The following PDZD2 variants were observed in gnomAD, a reference collection of about 807,000 sequenced individuals.
PDZD2 encodes PDZ domain-containing protein 2.
In PDZD2, 90 loss-of-function variants were observed where a neutral mutation model predicts 220.7. The ratio of observed to expected loss-of-function variants is 0.41; its 90% CI spans 0.34 to 0.49. The LOEUF (loss-of-function observed/expected upper bound fraction) is 0.49. Among genes scored for constraint, PDZD2 ranks in the 20% least tolerant of loss-of-function variants. The probability of loss-of-function intolerance (pLI) is 0.28; values close to 1 mark genes in which losing one functional copy is unlikely to be tolerated. For synonymous variants in PDZD2, 1,375 were observed against 1,450.5 expected, an observed-to-expected ratio of 0.95 and a Z score of 1.18; for missense variants, 3,174 against 3,608.5, an observed-to-expected ratio of 0.88 and a Z score of 3.08.
rs893015277 is a variant in PDZD2, at chr5:31,706,207, T to G, written c.-361+66770T>G. ...TGAATGAATGAGGTGGCCAAGATGTTGGCTGTATGGTCCTGTGTACATTGC... is the reference window on the plus strand; with the variant it reads ...TGAATGAATGAGGTGGCCAAGATGTGGGCTGTATGGTCCTGTGTACATTGC... On this transcript the variant is annotated intron_variant, in intron 1 of 24. Transcript: ENST00000438447. Among the ~76,000 whole-genome samples, 11 of 152,206 alleles carry G rather than the reference T, an allele frequency of 7.2e-5. 1 individual carries two copies. The highest frequency in any genetic ancestry group is 1.5e-4 in the Non-Finnish European group (10 of 68,038).
intron 1 of PDZD2, among the ~76,000 whole-genome samples, chr5:31,779,609 G>A (rs545552960): frequency 5.0e-4 from 76 of 152,122 alleles, no homozygotes; most frequent in Middle Eastern, 6.8e-3. Context: ...TCCTGACCTC[G>A]TGATCCGCCT....
intron 2 of PDZD2, among the ~76,000 whole-genome samples, chr5:31,863,509 G>A (rs1737914369): frequency 6.6e-6 from 1 of 152,156 alleles, no homozygotes. Context: ...GATTTGTTAG[G>A]ACTTTCTGCT....
chr5:32,005,145 G>A (rs1304624399), intron 5 of PDZD2, among the ~76,000 whole-genome samples: 2 of 152,186 alleles, frequency 1.3e-5, no homozygotes, highest in Non-Finnish European at 2.9e-5. Flanking sequence ...TAATCCACAA[G>A]CTTCCTTGCT....
At chr5:31,676,792 G>C (rs2150121022) in intron 1 of PDZD2, among the ~76,000 whole-genome samples, 1 of 152,066 alleles carries the variant, frequency 6.6e-6, no homozygotes, top group East Asian at 1.9e-4. Context: ...GATGTCAGGT[G>C]ATCTGCCCGC....
rs200772828 is a variant in PDZD2, at chr5:31,741,374, TTAA to T, written c.-360-57514_-360-57512del. On this transcript the variant is annotated intron_variant, in intron 1 of 24. Coordinates refer to ENST00000438447, the MANE Select transcript of PDZD2 (RefSeq NM_178140.4). ...TTAAAGCCAAGATTTTTTTTTTTTT[TTAA>T]AAAGGCTCCTCCCAGAATTTTTTTT... Among the ~76,000 whole-genome samples the T allele has an allele frequency of 9.8e-3, 1,455 of 147,900 alleles. 20 individuals are homozygous for T. The highest frequency in any genetic ancestry group is 0.033 in the African/African-American group (1,357 of 40,898).
At chr5:32,071,336 A>T (rs778453226) in intron 15 of PDZD2, 48 bp from the exon 16 acceptor site, 2 of 1,359,896 alleles carry the variant, frequency 1.5e-6, no homozygotes, top group Non-Finnish European at 2.1e-6. Context: ...CCTATTTGTG[A>T]CTTGAGCTTT....
chr5:31,912,695 G>A (rs1322607070), intron 2 of PDZD2, among the ~76,000 whole-genome samples: 2 of 152,176 alleles, frequency 1.3e-5, no homozygotes, highest in Admixed American at 6.5e-5. Context: ...TGAAAAAACA[G>A]CTCAACCACT....
intron 1 of PDZD2, among the ~76,000 whole-genome samples, chr5:31,663,240 A>C (rs955472411): frequency 4.6e-5 from 7 of 152,218 alleles, no homozygotes; most frequent in Non-Finnish European, 8.8e-5. Context: ...CCTTCCACTG[A>C]TGATGATTTC....
At position 31,854,756 on chromosome 5, in the gene PDZD2, C is replaced by G. The variant is rs925707057; in HGVS notation, c.476+55032C>G. ...GAGAAGCCCCAAACTCCCTGAAATC[C>G]TCCCCAGGGCGGTTTCCTTTTCCCG... On this transcript the variant is annotated intron_variant, in intron 2 of 24. Coordinates refer to ENST00000438447, the MANE Select transcript of PDZD2 (RefSeq NM_178140.4). 1.1e-4 allele frequency among the ~76,000 whole-genome samples: 16 copies of G among 152,142 alleles called. 1 individual carries two copies. The highest frequency in any genetic ancestry group is 8.5e-4 in the Admixed American group (13 of 15,276).
At chr5:32,050,204 T>C (rs990432552) in intron 8 of PDZD2, among the ~76,000 whole-genome samples, 14 of 152,214 alleles carry the variant, frequency 9.2e-5, no homozygotes, top group African/African-American at 3.4e-4. Context: ...GTGCTGGGAT[T>C]ACAGGCGTGA....
intron 24 of PDZD2, 64 bp downstream of exon 24, chr5:32,101,303 G>GA: frequency 4.3e-6 from 6 of 1,408,050 alleles, no homozygotes; most frequent in Non-Finnish European, 4.8e-6. Context: ...ATGTCTCAAT[G>GA]AAAAAAATGC....
chr5:32,023,887 A>G (rs1754414411), intron 6 of PDZD2, among the ~76,000 whole-genome samples: 2 of 152,210 alleles, frequency 1.3e-5, no homozygotes, highest in Non-Finnish European at 2.9e-5. Context: ...TAAGTTTTAA[A>G]TTGTGTGCCA....
chr5:31,750,288 G>A (rs1229407484), intron 1 of PDZD2, among the ~76,000 whole-genome samples: 1 of 152,130 alleles, frequency 6.6e-6, no homozygotes, highest in Non-Finnish European at 1.5e-5. Flanking sequence ...GTGTCCCCCA[G>A]CTCCCTCTTG....
intron 2 of PDZD2, among the ~76,000 whole-genome samples, chr5:31,969,142 T>C (rs1261714722): frequency 2.6e-5 from 4 of 152,054 alleles, no homozygotes; most frequent in Admixed American, 2.6e-4. Flanking sequence ...AGCGGGACTA[T>C]GAGATCTGTC....
chr5:32,003,090 C>T (rs1581251181), intron 5 of PDZD2, among the ~76,000 whole-genome samples: 1 of 125,596 alleles, frequency 8.0e-6, no homozygotes, highest in Non-Finnish European at 1.6e-5. Context: ...CCAACATACA[C>T]TCCACACACA....
chr5:31,846,551 CT>C (rs1757597380), intron 2 of PDZD2, among the ~76,000 whole-genome samples: 1 of 152,198 alleles, frequency 6.6e-6, no homozygotes, highest in African/African-American at 2.4e-5. Flanking sequence ...TACTGAATAC[CT>C]TTTTAATTCT....
At chr5:31,968,642 C>G (rs925428608) in intron 2 of PDZD2, among the ~76,000 whole-genome samples, 2 of 151,720 alleles carry the variant, frequency 1.3e-5, no homozygotes. Flanking sequence ...GCAACAAGAG[C>G]GAAATTCTGT....
At chr5:32,086,797 C>T (rs1313695207) in intron 19 of PDZD2, among the ~76,000 whole-genome samples, 1 of 150,786 alleles carries the variant, frequency 6.6e-6, no homozygotes, top group African/African-American at 2.5e-5. Context: ...CTGCCTCAGC[C>T]TCCCAAGTAG....
At chr5:31,861,650 A>G (rs62361586) in intron 2 of PDZD2, among the ~76,000 whole-genome samples, 6,354 of 152,250 alleles carry the variant, frequency 0.042, 158 homozygotes, top group Non-Finnish European at 0.054. Flanking sequence ...ACAGCACTGA[A>G]GACACTTCAT....
Sources: gnomAD v4.1 joint callset for allele counts (sites outside exome capture counted in the v4.1 genomes callset) on GRCh38, gnomAD v4.1.1 for gene constraint, MANE v1.5 for transcripts, NCBI Gene and HGNC (gene_info 2026-07-23, HGNC 2026-07-21) for gene names.